RBFOX1: variants seen among roughly 807,000 people sequenced by gnomAD.
The protein encoded by RBFOX1 is RNA binding fox-1 homolog 1, also known as RNA binding protein fox-1 homolog 1.
In RBFOX1, 8 loss-of-function variants were observed where a neutral mutation model predicts 57.7. The observed-to-expected ratio is 0.14, with a 90% CI of 0.08 to 0.25. RBFOX1 has a LOEUF of 0.25. Ranked by LOEUF, RBFOX1 falls within the 10% of genes least tolerant of loss-of-function variation. The pLI is 1.00. For synonymous variants in RBFOX1, 326 were observed against 222.4 expected (o/e 1.47, Z -4.15); for missense variants, 611 against 548.5 (o/e 1.11, Z -1.14).
intron 3 of RBFOX1, among the ~76,000 whole-genome samples, chr16:6,937,274 G>A (rs193185155): frequency 1.3e-5 from 2 of 152,112 alleles, no homozygotes; most frequent in Non-Finnish European, 2.9e-5. Flanking sequence ...GCCAACTCAC[G>A]ACCAACACTG....
intron 4 of RBFOX1, among the ~76,000 whole-genome samples, chr16:7,343,614 A>G (rs1255574736): frequency 6.6e-6 from 1 of 152,204 alleles, no homozygotes; most frequent in Non-Finnish European, 1.5e-5. Context: ...TTAGGCATTT[A>G]CTATATATGA....
intron 3 of RBFOX1, among the ~76,000 whole-genome samples, chr16:5,681,995 A>T (rs868782872): frequency 1.3e-5 from 2 of 152,084 alleles, no homozygotes; most frequent in South Asian, 4.2e-4. Flanking sequence ...CCTTGTTGAA[A>T]TGCGTAATAT....
At chr16:7,274,600 C>G (rs1206130756) in intron 4 of RBFOX1, among the ~76,000 whole-genome samples, 2 of 152,056 alleles carry the variant, frequency 1.3e-5, no homozygotes, top group Non-Finnish European at 2.9e-5. Context: ...ACTTATGGGC[C>G]ACGTTTGAAG....
chr16:6,554,799 C>G (rs1431306235), intron 2 of RBFOX1, among the ~76,000 whole-genome samples: 3 of 149,590 alleles, frequency 2.0e-5, no homozygotes, highest in African/African-American at 7.7e-5. Flanking sequence ...CACAGACACA[C>G]ACAGATAAAC....
At chr16:6,031,699 G>T (rs763565103) in intron 1 of RBFOX1, among the ~76,000 whole-genome samples, 1 of 152,212 alleles carries the variant, frequency 6.6e-6, no homozygotes, top group Non-Finnish European at 1.5e-5. Context: ...AAGAGAAGGA[G>T]CCACGAACAG....
intron 2 of RBFOX1, among the ~76,000 whole-genome samples, chr16:5,520,421 G>A (rs2043969079): frequency 6.6e-6 from 1 of 152,182 alleles, no homozygotes; most frequent in South Asian, 2.1e-4. Context: ...CTCACCCCCT[G>A]TCTTCTCAGC....
At chr16:6,990,717 G>A (rs1025693037) in intron 3 of RBFOX1, among the ~76,000 whole-genome samples, 1 of 152,058 alleles carries the variant, frequency 6.6e-6, no homozygotes, top group Non-Finnish European at 1.5e-5. Context: ...ATGTGAGCTT[G>A]GACAAGTTTC....
At chr16:7,551,425 G>A (rs1008149151) in intron 5 of RBFOX1, among the ~76,000 whole-genome samples, 8 of 152,142 alleles carry the variant, frequency 5.3e-5, no homozygotes, top group Non-Finnish European at 7.3e-5. Flanking sequence ...AGGGGTGGGG[G>A]CCCAAATAAG....
At chr16:5,977,565 T>C (rs935005955) in intron 4 of RBFOX1, among the ~76,000 whole-genome samples, 2 of 152,194 alleles carry the variant, frequency 1.3e-5, no homozygotes, top group African/African-American at 4.8e-5. Flanking sequence ...TAAGCTCACC[T>C]TTGGCCCTTG....
chr16:6,897,591 T>C (rs12929131), intron 3 of RBFOX1, among the ~76,000 whole-genome samples: 29,852 of 152,102 alleles, frequency 0.2, 3,132 homozygotes, highest in East Asian at 0.28. Context: ...GTCAGGAGTT[T>C]GACCAGTCTG....
intron 4 of RBFOX1, among the ~76,000 whole-genome samples, chr16:7,112,387 T>TC (rs1223418017): frequency 8.6e-4 from 130 of 151,192 alleles, no homozygotes; most frequent in African/African-American, 3.0e-3. Context: ...TATTTTTTTT[T>TC]TTTTTTGTAG....
intron 1 of RBFOX1, among the ~76,000 whole-genome samples, chr16:5,301,856 TA>T (rs200496283): frequency 0.019 from 2,845 of 152,278 alleles, 78 homozygotes; most frequent in African/African-American, 0.064. Context: ...CAGGTATAGA[TA>T]GCTAATATAG....
intron 3 of RBFOX1, among the ~76,000 whole-genome samples, chr16:5,688,619 A>G (rs2050574974): frequency 6.6e-6 from 1 of 152,130 alleles, no homozygotes; most frequent in Admixed American, 6.5e-5. Context: ...CCTGAACTGG[A>G]TGGTTGAGGG....
At position 6,222,486 on chromosome 16, in the gene RBFOX1, G is replaced by C. The variant is rs201008504; in HGVS notation, c.-126-94509G>C. ...GTGACAATTGCATCATGACCATGAG[G>C]AGAATGTCAGGAGGATTGCAGATAC... On this transcript the variant is annotated intron_variant, in intron 1 of 15. Coordinates refer to ENST00000550418, the MANE Select transcript of RBFOX1 (RefSeq NM_018723.4). Among the ~76,000 whole-genome samples the C allele has an allele frequency of 3.2e-4, 48 of 151,784 alleles. No homozygotes were observed. The East Asian group carries it at 8.6e-3, about 27-fold the overall frequency.
At chr16:6,972,957 C>A (rs1163061403) in intron 3 of RBFOX1, among the ~76,000 whole-genome samples, 1 of 152,092 alleles carries the variant, frequency 6.6e-6, no homozygotes, top group East Asian at 1.9e-4. Flanking sequence ...AACCCCATCT[C>A]AACTAAAAAT....
chr16:7,234,720 T>G (rs1034433579), intron 4 of RBFOX1, among the ~76,000 whole-genome samples: 10 of 150,350 alleles, frequency 6.7e-5, no homozygotes, highest in Non-Finnish European at 1.3e-4. Context: ...ATAAGTTGCT[T>G]TCACCAAATC....
intron 2 of RBFOX1, among the ~76,000 whole-genome samples, chr16:6,555,440 C>T (rs1215982366): frequency 6.6e-6 from 1 of 152,142 alleles, no homozygotes; most frequent in Non-Finnish European, 1.5e-5. Context: ...TGGCTCACAC[C>T]TGTAATCCCA....
intron 3 of RBFOX1, among the ~76,000 whole-genome samples, chr16:5,749,852 T>G (rs1398356183): frequency 6.6e-6 from 1 of 152,224 alleles, no homozygotes; most frequent in Admixed American, 6.5e-5. Context: ...GTCTGAAGCC[T>G]TCTTCTCTCA....
chr16:6,776,745 G>C (rs1261941272), intron 3 of RBFOX1, among the ~76,000 whole-genome samples: 1 of 152,180 alleles, frequency 6.6e-6, no homozygotes, highest in African/African-American at 2.4e-5. Flanking sequence ...CACACTAGGT[G>C]CTAAACTTTT....
Sources: gnomAD v4.1 joint callset for allele counts (sites outside exome capture counted in the v4.1 genomes callset) on GRCh38, gnomAD v4.1.1 for gene constraint, MANE v1.5 for transcripts, NCBI Gene and HGNC (gene_info 2026-07-23, HGNC 2026-07-21) for gene names.